COL11A1: variants seen among roughly 807,000 people sequenced by gnomAD.
The protein encoded by COL11A1 is collagen type XI alpha 1 chain.
Under a neutral mutation model 265.2 loss-of-function variants are expected in COL11A1, and 74 were observed. The ratio of observed to expected loss-of-function variants is 0.28; its 90% CI spans 0.23 to 0.34. The LOEUF is 0.34. COL11A1 is among the 10% of genes least tolerant of loss of function. The pLI is 1.00. For synonymous variants in COL11A1, 816 were observed against 727.6 expected (o/e 1.12, Z -1.96); for missense variants, 2,165 against 2,263.6 (o/e 0.96, Z 0.88).
Position 103,108,216 on chromosome 1 carries a change from C to T in COL11A1, c.-38G>A. The stretch of plus-strand genomic sequence containing the variant: ...CACTCACAACTGTGAACTCAACCCA[C>T]GAAATTGCGACTGCAGACCAACTTC... On this transcript the variant is annotated 5_prime_UTR_variant, in exon 1 of 67. The change creates a new upstream start codon in the 5' untranslated region. Transcript: ENST00000370096. 1 of 1,565,554 alleles carries T rather than the reference C, an allele frequency of 6.4e-7. No homozygotes were observed. The highest frequency in any genetic ancestry group is 8.8e-7 in the Non-Finnish European group (1 of 1,137,408).
At chr1:102,894,507 C>A (rs1652159319) in intron 57 of COL11A1, among the ~76,000 whole-genome samples, 1 of 144,536 alleles carries the variant, frequency 6.9e-6, no homozygotes, top group African/African-American at 2.6e-5. Context: ...GCACTCCAGC[C>A]CCGGTGATAG....
intron 4 of COL11A1, among the ~76,000 whole-genome samples, chr1:103,063,185 C>A (rs114864029): frequency 2.1e-3 from 314 of 152,160 alleles, no homozygotes; most frequent in Non-Finnish European, 3.7e-3. Flanking sequence ...AATTTCCCAG[C>A]ATGTTATTTT....
intron 4 of COL11A1, among the ~76,000 whole-genome samples, chr1:103,048,405 T>C (rs1669495428): frequency 6.6e-6 from 1 of 152,218 alleles, no homozygotes; most frequent in Non-Finnish European, 1.5e-5. Context: ...GTGTTTATAG[T>C]ATTTTCTGAT....
At chr1:102,928,917 C>T (rs1239267816) in intron 46 of COL11A1, among the ~76,000 whole-genome samples, 2 of 53,948 alleles carry the variant, frequency 3.7e-5, no homozygotes, top group Admixed American at 3.2e-4. Context: ...CTGTTCATGT[C>T]CTTTGCCCAC....
chr1:103,043,187 TATATATGAA>T (rs1668967375), intron 4 of COL11A1, among the ~76,000 whole-genome samples: 1 of 125,190 alleles, frequency 8.0e-6, no homozygotes, highest in African/African-American at 3.1e-5. Flanking sequence ...ATATATAATG[TATATATGAA>T]ATACATCATA....
chr1:102,897,497 G>A (rs1652586057), intron 57 of COL11A1, among the ~76,000 whole-genome samples: 1 of 151,724 alleles, frequency 6.6e-6, no homozygotes, highest in Non-Finnish European at 1.5e-5. Flanking sequence ...ATTTTAAAGG[G>A]CAAGTCTTTT....
intron 41 of COL11A1, among the ~76,000 whole-genome samples, chr1:102,960,703 C>G (rs1229405833): frequency 6.6e-6 from 1 of 151,120 alleles, no homozygotes; most frequent in Non-Finnish European, 1.5e-5. Flanking sequence ...AGACAACATT[C>G]AATGCATTAA....
chr1:102,998,228 A>T, intron 25 of COL11A1, 82 bp downstream of exon 25: 1 of 1,152,682 alleles, frequency 8.7e-7, no homozygotes. Flanking sequence ...CTAACCTCAT[A>T]TAATCATTTC....
chr1:103,012,350 G>T, intron 14 of COL11A1, 63 bp downstream of exon 14: 1 of 1,209,990 alleles, frequency 8.3e-7, no homozygotes, highest in Non-Finnish European at 1.2e-6. Context: ...CCTGGAAGAA[G>T]TTGCACAGGG....
chr1:102,902,030 G>A (rs993686252), intron 54 of COL11A1, among the ~76,000 whole-genome samples: 2 of 152,176 alleles, frequency 1.3e-5, no homozygotes, highest in African/African-American at 4.8e-5. Flanking sequence ...CAGTTTGGCA[G>A]TATAGAGGAT....
At chr1:103,038,027 C>T (rs1337174) in intron 4 of COL11A1, among the ~76,000 whole-genome samples, 12,306 of 152,156 alleles carry the variant, frequency 0.081, 556 homozygotes, top group Middle Eastern at 0.16. Flanking sequence ...TGAACATTTT[C>T]ATGAAACGGT....
At chr1:102,989,299 A>G (rs1313535191) in intron 29 of COL11A1, among the ~76,000 whole-genome samples, 3 of 151,806 alleles carry the variant, frequency 2.0e-5, no homozygotes, top group African/African-American at 7.3e-5. Context: ...TTTATTATGG[A>G]ACCTATGGAA....
intron 4 of COL11A1, among the ~76,000 whole-genome samples, chr1:103,055,032 ATT>A (rs557597911): frequency 1.8e-3 from 270 of 152,306 alleles, no homozygotes; most frequent in African/African-American, 6.3e-3. Flanking sequence ...CTGTTATTCC[ATT>A]TTACAGATGA....
intron 54 of COL11A1, among the ~76,000 whole-genome samples, chr1:102,899,301 A>AT (rs1376288067): frequency 6.6e-6 from 1 of 152,118 alleles, no homozygotes; most frequent in Non-Finnish European, 1.5e-5. Flanking sequence ...AGTGTGTTAA[A>AT]TACTGATATA....
chr1:102,885,872 C>T (rs186188079), intron 63 of COL11A1, among the ~76,000 whole-genome samples: 30 of 152,140 alleles, frequency 2.0e-4, no homozygotes, highest in Admixed American at 1.0e-3. Context: ...TGTATAGGAA[C>T]GCTAATAATT....
chr1:103,087,310 C>A (rs922194184), intron 1 of COL11A1, among the ~76,000 whole-genome samples: 1 of 152,130 alleles, frequency 6.6e-6, no homozygotes, highest in Non-Finnish European at 1.5e-5. Flanking sequence ...AATATCAGAG[C>A]CCAATGTGCT....
In COL11A1 at chr1:102,946,823, T is replaced by C. The variant is rs748195081; in HGVS notation, c.3276+26A>G. The stretch of plus-strand genomic sequence containing the variant: ...TAACGTGTACAGGGTAGCAGCATAA[T>C]ATATTTTCTCCTAGACATTACTTAC... On this transcript the variant is annotated intron_variant, in intron 42 of 66. Coordinates refer to ENST00000370096, the MANE Select transcript of COL11A1 (RefSeq NM_001854.4). 4.5e-6 allele frequency: 7 copies of C among 1,547,518 alleles called. No individual in the cohort carries two copies. In the Admixed American group the frequency reaches 1.2e-4, roughly 26 times the overall value.
At chr1:102,920,688 G>A (rs191954697) in intron 48 of COL11A1, among the ~76,000 whole-genome samples, 1 of 152,190 alleles carries the variant, frequency 6.6e-6, no homozygotes, top group African/African-American at 2.4e-5. Context: ...ATTTTGTAGT[G>A]AATCAAAATT....
intron 20 of COL11A1, 55 bp downstream of exon 20, chr1:103,004,389 T>G (rs1665404194): frequency 1.6e-6 from 2 of 1,275,440 alleles, no homozygotes; most frequent in Non-Finnish European, 2.3e-6. Context: ...GTAACACCAG[T>G]CACTAGTCCT....
Sources: gnomAD v4.1 joint callset for allele counts (sites outside exome capture counted in the v4.1 genomes callset) on GRCh38, gnomAD v4.1.1 for gene constraint, MANE v1.5 for transcripts, NCBI Gene and HGNC (gene_info 2026-07-23, HGNC 2026-07-21) for gene names.